RGS6: variants seen among roughly 807,000 people sequenced by gnomAD.
RGS6 encodes the protein regulator of G-protein signaling 6.
RGS6 carries 30 observed loss-of-function variants against 78.5 expected under a neutral mutation model. The ratio of observed to expected loss-of-function variants is 0.38; its 90% CI spans 0.29 to 0.52. The LOEUF is 0.52. Ranked by LOEUF, RGS6 falls within the 20% of genes least tolerant of loss-of-function variation. The pLI is 0.85. For synonymous variants in RGS6, 206 were observed against 206.0 expected (o/e 1.00, Z 0.00); for missense variants, 495 against 609.7 (o/e 0.81, Z 1.98).
At chr14:72,580,307 T>TCCCCCCCCCC in the RGS6 span, among the ~76,000 whole-genome samples, 10 of 127,558 alleles carry the variant, frequency 7.8e-5, no homozygotes, top group East Asian at 2.4e-4. Flanking sequence ...AGCAAAAATG[T>TCCCCCCCCCC]CCCCCCCACC....
chr14:72,471,296 C>A (rs538322197), intron 8 of RGS6, among the ~76,000 whole-genome samples: 1 of 152,332 alleles, frequency 6.6e-6, no homozygotes, highest in South Asian at 2.1e-4. Flanking sequence ...ATGTTCCCCA[C>A]CCCACAAACA....
At chr14:72,627,971 G>C in the RGS6 span, among the ~76,000 whole-genome samples, 1 of 152,170 alleles carries the variant, frequency 6.6e-6, no homozygotes, top group Non-Finnish European at 1.5e-5. Flanking sequence ...ATGTGTGTTA[G>C]TTTTATAATC....
intron 3 of RGS6, among the ~76,000 whole-genome samples, chr14:72,391,684 G>A (rs533139948): frequency 2.3e-3 from 352 of 152,220 alleles, no homozygotes; most frequent in African/African-American, 7.9e-3. Context: ...GTGCCATGTT[G>A]GTTTGCTGCA....
At chr14:72,336,693 G>T (rs1262455494) in intron 2 of RGS6, among the ~76,000 whole-genome samples, 2 of 152,248 alleles carry the variant, frequency 1.3e-5, no homozygotes, top group South Asian at 4.2e-4. Context: ...GCTTGCTAGG[G>T]CTGCCATAGT....
the RGS6 span, among the ~76,000 whole-genome samples, chr14:71,876,355 A>G: frequency 6.6e-6 from 1 of 151,466 alleles, no homozygotes; most frequent in East Asian, 1.9e-4. Context: ...TATATTTAGG[A>G]TAGTTAGCTC....
intron 2 of RGS6, among the ~76,000 whole-genome samples, chr14:72,301,564 T>C (rs1426703026): frequency 6.6e-6 from 1 of 152,182 alleles, no homozygotes; most frequent in East Asian, 1.9e-4. Flanking sequence ...ATCAGTTTGC[T>C]AGGGCTGTCA....
intron 2 of RGS6, among the ~76,000 whole-genome samples, chr14:72,192,129 G>A (rs2097334097): frequency 6.6e-6 from 1 of 152,196 alleles, no homozygotes; most frequent in South Asian, 2.1e-4. Context: ...TTACATGTCA[G>A]TCATCACTGA....
intron 2 of RGS6, among the ~76,000 whole-genome samples, chr14:72,083,163 C>T (rs1004038084): frequency 3.0e-4 from 45 of 152,156 alleles, no homozygotes; most frequent in Admixed American, 6.5e-5. Context: ...TTCACTCATA[C>T]GCTCATTCTT....
chr14:72,458,710 G>A (rs2095698123), intron 5 of RGS6, among the ~76,000 whole-genome samples: 1 of 152,222 alleles, frequency 6.6e-6, no homozygotes, highest in Non-Finnish European at 1.5e-5. Flanking sequence ...AGACCAAGGT[G>A]CCAGCAGATT....
chr14:72,404,287 A>G (rs537600692), intron 3 of RGS6, among the ~76,000 whole-genome samples: 17 of 152,334 alleles, frequency 1.1e-4, no homozygotes, highest in African/African-American at 3.6e-4. Context: ...GCCTCAGGCT[A>G]TGAAGCTGTG....
At chr14:72,198,318 A>G (rs1377087012) in intron 2 of RGS6, among the ~76,000 whole-genome samples, 1 of 152,232 alleles carries the variant, frequency 6.6e-6, no homozygotes, top group Admixed American at 6.5e-5. Flanking sequence ...ATGCCACTGC[A>G]CTCCAGCCTG....
At chr14:72,476,620 G>T in intron 10 of RGS6, 122 bp from the exon 11 acceptor site, 1 of 669,836 alleles carries the variant, frequency 1.5e-6, no homozygotes, top group Non-Finnish European at 2.6e-6. Context: ...TAAAAGCAGA[G>T]ACCAATCTCT....
chr14:71,897,241 G>T, the RGS6 span, among the ~76,000 whole-genome samples: 10 of 152,184 alleles, frequency 6.6e-5, no homozygotes, highest in African/African-American at 1.7e-4. Context: ...GGTGAAGTGG[G>T]GAGAGTATGG....
chr14:72,295,290 C>CAA (rs67921203), intron 2 of RGS6, among the ~76,000 whole-genome samples: 109 of 91,668 alleles, frequency 1.2e-3, no homozygotes, highest in African/African-American at 3.5e-3. Flanking sequence ...GACTCCGTCT[C>CAA]AAAAAAAAAA....
chr14:72,281,872 G>A (rs2061644045), intron 2 of RGS6, among the ~76,000 whole-genome samples: 1 of 152,132 alleles, frequency 6.6e-6, no homozygotes, highest in African/African-American at 2.4e-5. Context: ...GTCCTTGCAG[G>A]CCACAGTAAG....
the RGS6 span, among the ~76,000 whole-genome samples, chr14:72,571,605 A>ATAAC: frequency 6.6e-6 from 1 of 152,224 alleles, no homozygotes; most frequent in Middle Eastern, 3.2e-3. Context: ...CGGTGCTGGA[A>ATAAC]TAACTAAATG....
chr14:72,511,952 A>C (rs1263403054), intron 14 of RGS6: 4 of 152,186 alleles, frequency 2.6e-5, no homozygotes, highest in African/African-American at 9.7e-5. Flanking sequence ...AATACTCTTC[A>C]CTAGGGTGGT....
upstream of RGS6, among the ~76,000 whole-genome samples, chr14:71,928,046 AG>A (rs1172227581): frequency 2.0e-5 from 3 of 151,920 alleles, no homozygotes; most frequent in African/African-American, 7.3e-5. Context: ...TTTTAGAGAC[AG>A]GATCTCACTA....
chr14:72,325,527 T>C (rs2073494587), intron 2 of RGS6, among the ~76,000 whole-genome samples: 1 of 152,218 alleles, frequency 6.6e-6, no homozygotes, highest in Non-Finnish European at 1.5e-5. Context: ...AATTAATTTT[T>C]GTATAAGGTG....
Sources: gnomAD v4.1 joint callset for allele counts (sites outside exome capture counted in the v4.1 genomes callset) on GRCh38, gnomAD v4.1.1 for gene constraint, MANE v1.5 for transcripts, NCBI Gene and HGNC (gene_info 2026-07-23, HGNC 2026-07-21) for gene names.